Variants in DAZAP1 observed in about 807,000 individuals in gnomAD.
DAZAP1 encodes the protein DAZ-associated protein 1.
In DAZAP1, 6 loss-of-function variants were observed where a neutral mutation model predicts 60.1. The observed-to-expected ratio is 0.10, with a 90% confidence interval of 0.05 to 0.20. The LOEUF (loss-of-function observed/expected upper bound fraction) is 0.20. Among genes scored for constraint, DAZAP1 ranks in the 10% least tolerant of loss-of-function variants. DAZAP1 has a pLI of 1.00. For missense variants in DAZAP1, 366 were observed against 560.4 expected (o/e 0.65, Z 3.50); for synonymous variants, 235 against 215.9 (o/e 1.09, Z -0.78).
At chr19:1,414,893 G>A (rs191812362) in intron 1 of DAZAP1, among the ~76,000 whole-genome samples, 1,831 of 150,834 alleles carry the variant, frequency 0.012, 20 homozygotes, top group Middle Eastern at 0.024. Context: ...ACACAATCAC[G>A]GCTCACTGCA....
At chr19:1,415,904 T>TGAA (rs2082970251) in intron 1 of DAZAP1, 1 of 152,162 alleles carries the variant, frequency 6.6e-6, no homozygotes, top group Non-Finnish European at 1.5e-5. Flanking sequence ...GGTTGCTTGT[T>TGAA]GACGTTTTGA....
At position 1,428,716 on chromosome 19, in the gene DAZAP1, AG is replaced by A; in HGVS notation, c.547-125del. On this transcript the variant is annotated intron_variant, in intron 7 of 11. Transcript: ENST00000233078. The surrounding 1 kb of genome is among the most constrained non-coding windows in gnomAD (Gnocchi z 4.0). ...TGCTACTGGCCTAAATAAGGTTTAT[AG>A]TTAAGTATTTAGTCTTAAGTTGTAA... The A allele has an allele frequency of 8.8e-7, 1 of 1,130,274 alleles. No individual in the cohort carries two copies. Among genetic ancestry groups the A allele is most frequent in the Non-Finnish European group, 1.3e-6 (1 of 791,586 alleles). 70.0% of individuals were successfully genotyped at this position (1,130,274 alleles called of 1,614,324 possible).
At chr19:1,415,461 T>C (rs1251117508) in intron 1 of DAZAP1, among the ~76,000 whole-genome samples, 1 of 151,342 alleles carries the variant, frequency 6.6e-6, no homozygotes, top group East Asian at 1.9e-4. Context: ...TGAGCATTTT[T>C]CCGGTCGGTT....
chr19:1,429,975 G>T lies in DAZAP1; in HGVS notation c.709G>T (p.Val237Leu), dbSNP rs560959775. The stretch of plus-strand genomic sequence containing the variant: ...TCTGTTCTCTTATCTAGGAATGTGG[G>T]TGCCGGCAGGACAGGCGATTGGTAA... ...QQGYGPQGMW[V>L]PAGQAIGGYG... Residue 237 changes from valine to leucine, a missense_variant, in exon 9 of 12, where the codon GTG (valine) becomes TTG (leucine). Physicochemically the swap from Val to Leu is conservative, Grantham distance 32. Around this residue, in one of 3 missense-constraint regions of DAZAP1, gnomAD observed 240 missense variants for 308.8 expected, o/e 0.78. Coordinates refer to ENST00000233078, the MANE Select transcript of DAZAP1 (RefSeq NM_018959.4). The T allele has an allele frequency of 6.4e-6, 10 of 1,570,258 alleles. No individual in the cohort carries two copies. In the South Asian group the frequency reaches 1.2e-4, roughly 18 times the overall value.
rs1421123873 is a variant in DAZAP1, at chr19:1,423,552, A to AT, written c.463+1157dup. On this transcript the variant is annotated intron_variant, in intron 6 of 11. Transcript: ENST00000233078. This position sits in a 1 kb window ranked among gnomAD's most constrained non-coding sequence, Gnocchi z 6.8. Reference sequence around the variant, plus strand: ...TTTCTGTCCCGCTTCCTCAGTGGTGATGTCGCCTCTTGACAGCCGCATTCC... The same window carrying AT: ...TTTCTGTCCCGCTTCCTCAGTGGTGATTGTCGCCTCTTGACAGCCGCATTCC... Among the ~76,000 whole-genome samples the AT allele has an allele frequency of 1.3e-5, 2 of 152,158 alleles. No individual in the cohort carries two copies. Among genetic ancestry groups the AT allele is most frequent in the African/African-American group, 2.4e-5 (1 of 41,422 alleles).
chr19:1,419,087 C>T lies in DAZAP1; in HGVS notation c.303+356C>T, dbSNP rs117768522. Among the ~76,000 whole-genome samples the T allele has an allele frequency of 3.6e-3, 541 of 152,326 alleles. 2 individuals are homozygous for T. The highest frequency in any genetic ancestry group is 5.5e-3 in the Non-Finnish European group (372 of 68,024). Reference sequence around the variant, plus strand: ...CATCCTTCCACTGCCGGGGCTGGGCCGGGCTGTGTCAGCTCGTGCTGGCCA... The same window carrying T: ...CATCCTTCCACTGCCGGGGCTGGGCTGGGCTGTGTCAGCTCGTGCTGGCCA... On this transcript the variant is annotated intron_variant, in intron 4 of 11. Coordinates refer to ENST00000233078, the MANE Select transcript of DAZAP1 (RefSeq NM_018959.4).
chr19:1,418,779 T>A lies in DAZAP1; in HGVS notation c.303+48T>A. ...CTCCTTGTGTGTTCTCCACTCCACG[T>A]GGAAAGGAAATGCGTGCCTTCAATC... is the stretch of plus-strand genomic sequence containing the variant. On this transcript the variant is annotated intron_variant, in intron 4 of 11. Transcript: ENST00000233078. This position sits in a 1 kb window ranked among gnomAD's most constrained non-coding sequence, Gnocchi z 5.7. 1 of 1,532,704 alleles carries A rather than the reference T, an allele frequency of 6.5e-7. No individual in the cohort carries two copies. The highest frequency in any genetic ancestry group is 8.8e-7 in the Non-Finnish European group (1 of 1,137,568). 94.9% of individuals were successfully genotyped at this position (1,532,704 alleles called of 1,614,324 possible). A position where few individuals can be genotyped will look rare whatever the true frequency, so the allele number is the denominator to read the frequency against.
chr19:1,411,591 G>A (rs1341210230), intron 1 of DAZAP1, among the ~76,000 whole-genome samples: 1 of 152,246 alleles, frequency 6.6e-6, no homozygotes, highest in Non-Finnish European at 1.5e-5. Flanking sequence ...TAGAAAGGCA[G>A]CAGCATGGAC....
At position 1,422,512 on chromosome 19, in the gene DAZAP1, G is replaced by A. The variant is rs1413961081; in HGVS notation, c.463+116G>A. 1.1e-6 allele frequency: 1 copy of A among 912,954 alleles called. No homozygotes were observed. The highest frequency in any genetic ancestry group is 1.7e-6 in the Non-Finnish European group (1 of 581,882). The allele number at this position is 912,954 out of a possible 1,614,324, so 56.6% of individuals were successfully genotyped here. A position where few individuals can be genotyped will look rare whatever the true frequency, so the allele number is the denominator to read the frequency against. On this transcript the variant is annotated intron_variant, in intron 6 of 11. Transcript: ENST00000233078. This position sits in a 1 kb window ranked among gnomAD's most constrained non-coding sequence, Gnocchi z 4.5. ...GCTGTAGCAAACAGCCTCAGGAAGG[G>A]ACGATTTGGAGACAAATGACTAAAA... is the stretch of plus-strand genomic sequence containing the variant.
intron 4 of DAZAP1, among the ~76,000 whole-genome samples, chr19:1,419,329 C>A (rs760155393): frequency 3.5e-4 from 54 of 152,226 alleles, no homozygotes; most frequent in Admixed American, 5.9e-4. Flanking sequence ...CTCTTAGCCC[C>A]ATAGAACGTG....
At position 1,425,698 on chromosome 19, in the gene DAZAP1, G is replaced by A. The variant is rs568299799; in HGVS notation, c.464-180G>A. ...GCGGACGTCACCGTCTGTCCACTCCGTGTGCAGTCGAGTGGTGGCTCCTGG... is the reference window on the plus strand; with the variant it reads ...GCGGACGTCACCGTCTGTCCACTCCATGTGCAGTCGAGTGGTGGCTCCTGG... On this transcript the variant is annotated intron_variant, in intron 6 of 11. Coordinates refer to ENST00000233078, the MANE Select transcript of DAZAP1 (RefSeq NM_018959.4). The surrounding 1 kb of genome is among the most constrained non-coding windows in gnomAD (Gnocchi z 5.4). 5.3e-4 allele frequency among the ~76,000 whole-genome samples: 80 copies of A among 152,332 alleles called. No individual in the cohort carries two copies. Among genetic ancestry groups the A allele is most frequent in the Non-Finnish European group, 9.8e-4 (67 of 68,026 alleles).
intron 1 of DAZAP1, 33 bp downstream of exon 1, chr19:1,407,835 C>T (rs1456297037): frequency 2.8e-6 from 3 of 1,063,778 alleles, no homozygotes; most frequent in Non-Finnish European, 3.4e-6. Flanking sequence ...TGCGTCTCCG[C>T]CCCGAGCCCG....
At position 1,418,553 on chromosome 19, in the gene DAZAP1, C is replaced by T. The variant is rs1233950252; in HGVS notation, c.238-113C>T. Reference sequence around the variant, plus strand: ...CAGGAGGATACAGGGTGAATGGAGCCGGCGGGGCGGGGCGGGCCGGGCTGC... The same window carrying T: ...CAGGAGGATACAGGGTGAATGGAGCTGGCGGGGCGGGGCGGGCCGGGCTGC... On this transcript the variant is annotated intron_variant, in intron 3 of 11. Transcript: ENST00000233078. This position sits in a 1 kb window ranked among gnomAD's most constrained non-coding sequence, Gnocchi z 5.7. 26 of 1,477,596 alleles carry T rather than the reference C, an allele frequency of 1.8e-5. No individual in the cohort carries two copies. The highest frequency in any genetic ancestry group is 1.8e-4 in the Middle Eastern group (1 of 5,502). 91.5% of individuals were successfully genotyped at this position (1,477,596 alleles called of 1,614,324 possible).
chr19:1,434,849 C>T lies in DAZAP1; in HGVS notation c.1161C>T (p.Gly387=), dbSNP rs546776166. 2.6e-5 allele frequency: 41 copies of T among 1,603,660 alleles called. 1 individual carries two copies. The South Asian group carries it at 3.7e-4, about 14-fold the overall frequency. The part of the protein sequence containing the change: ...SVPGSGGPPA[G]GSGFGRGQNH... ...CAGGGTCGGGGGGCCCCCCCGCCGG[C>T]GGCAGCGGCTTTGGACGAGGGCAGA... The change falls in exon 12 of 12, where the codon GGC becomes GGT. Residue 387 remains glycine (G), a synonymous_variant. Coordinates refer to ENST00000233078, the MANE Select transcript of DAZAP1 (RefSeq NM_018959.4). The surrounding 1 kb of genome is among the most constrained non-coding windows in gnomAD (Gnocchi z 8.0).
chr19:1,433,707 G>T lies in DAZAP1; in HGVS notation c.1048+1017G>T. On this transcript the variant is annotated intron_variant, in intron 11 of 11. Transcript: ENST00000233078. The surrounding 1 kb of genome is among the most constrained non-coding windows in gnomAD (Gnocchi z 6.1). Reference sequence around the variant, plus strand: ...CCGCTGCTCTTGGTGGCGGCTGCTTGGGTTGGTCACCCTGGTCTCGTCTCT... The same window carrying T: ...CCGCTGCTCTTGGTGGCGGCTGCTTTGGTTGGTCACCCTGGTCTCGTCTCT... 1 of 1,590,446 alleles carries T rather than the reference G, an allele frequency of 6.3e-7. No individual in the cohort carries two copies. The highest frequency in any genetic ancestry group is 1.1e-5 in the South Asian group (1 of 90,552).
chr19:1,421,398 A>G, intron 5 of DAZAP1, 140 bp downstream of exon 5: 1 of 694,050 alleles, frequency 1.4e-6, no homozygotes, highest in Non-Finnish European at 2.4e-6. Context: ...TATTTCCCCA[A>G]CGCCTGCGCC....
chr19:1,413,989 CTGTGTGTGTGTGTGTGTGTG>C lies in DAZAP1; in HGVS notation c.30-3487_30-3468del, dbSNP rs3065755. Among the ~76,000 whole-genome samples the C allele has an allele frequency of 4.7e-4, 61 of 130,154 alleles. 2 individuals are homozygous for C. The East Asian group carries it at 0.011, about 24-fold the overall frequency. 85.4% of individuals were successfully genotyped at this position (130,154 alleles called of 152,430 possible). ...TGCCTCTTGCCCCACCCCCAGTGAA[CTGTGTGTGTGTGTGTGTGTG>C]TGTGTGTGTGTGTGTGTGTGTGTTT... On this transcript the variant is annotated intron_variant, in intron 1 of 11. Coordinates refer to ENST00000233078, the MANE Select transcript of DAZAP1 (RefSeq NM_018959.4).
chr19:1,426,855 G>C lies in DAZAP1; in HGVS notation c.546+895G>C, dbSNP rs991582289. On this transcript the variant is annotated intron_variant, in intron 7 of 11. Transcript: ENST00000233078. This position sits in a 1 kb window ranked among gnomAD's most constrained non-coding sequence, Gnocchi z 5.4. ...CTGACCCGGCCTCCTTGGTGCGGCA[G>C]CTTCTCCCGTTAACGGAAGAAGACG... 6.6e-6 allele frequency: 1 copy of C among 152,204 alleles called. No individual in the cohort carries two copies. The highest frequency in any genetic ancestry group is 1.5e-5 in the Non-Finnish European group (1 of 68,044). The allele number at this position is 152,204 out of a possible 1,614,324, so 9.4% of individuals were successfully genotyped here.
In DAZAP1 at chr19:1,433,708, G is replaced by A. The variant is rs371332220; in HGVS notation, c.1048+1018G>A. 2 of 1,594,864 alleles carry A rather than the reference G, an allele frequency of 1.3e-6. No homozygotes were observed. The highest frequency in any genetic ancestry group is 1.7e-6 in the Non-Finnish European group (2 of 1,163,754). ...CGCTGCTCTTGGTGGCGGCTGCTTGGGTTGGTCACCCTGGTCTCGTCTCTT... is the reference window on the plus strand; with the variant it reads ...CGCTGCTCTTGGTGGCGGCTGCTTGAGTTGGTCACCCTGGTCTCGTCTCTT... On this transcript the variant is annotated intron_variant, in intron 11 of 11. Transcript: ENST00000233078. This position sits in a 1 kb window ranked among gnomAD's most constrained non-coding sequence, Gnocchi z 6.1.
Sources: gnomAD v4.1 joint callset for allele counts (sites outside exome capture counted in the v4.1 genomes callset) on GRCh38, gnomAD v4.1.1 for gene constraint, gnomAD v4.1.1 regional missense constraint, Gnocchi (gnomAD v3.1) non-coding constraint, MANE v1.5 for transcripts, NCBI Gene and HGNC (gene_info 2026-07-23, HGNC 2026-07-21) for gene names.